CDH12: variants seen among roughly 807,000 people sequenced by gnomAD.
The protein encoded by CDH12 is cadherin 12, also known as cadherin-12.
CDH12 carries 41 observed loss-of-function variants against 74.1 expected under a neutral mutation model. The ratio of observed to expected loss-of-function variants is 0.55; its 90% CI spans 0.43 to 0.72. The LOEUF (loss-of-function observed/expected upper bound fraction) is 0.72. Ranked by LOEUF, CDH12 falls within the 30% of genes least tolerant of loss-of-function variation. The pLI is 0.00. For synonymous variants in CDH12, 399 were observed against 355.0 expected (o/e 1.12, Z -1.39); for missense variants, 945 against 977.2 (o/e 0.97, Z 0.44).
At chr5:21,830,433 A>G (rs1008581331) in intron 8 of CDH12, among the ~76,000 whole-genome samples, 1 of 152,090 alleles carries the variant, frequency 6.6e-6, no homozygotes, top group African/African-American at 2.4e-5. Context: ...TTCTCCCAGA[A>G]GCACAGTATA....
intron 1 of CDH12, among the ~76,000 whole-genome samples, chr5:22,723,261 C>T (rs1743990459): frequency 6.6e-6 from 1 of 152,200 alleles, no homozygotes; most frequent in Non-Finnish European, 1.5e-5. Flanking sequence ...CTTCACACAT[C>T]CCTCATTCAA....
intron 2 of CDH12, among the ~76,000 whole-genome samples, chr5:22,470,783 T>A (rs1187018130): frequency 6.6e-6 from 1 of 151,898 alleles, no homozygotes; most frequent in Non-Finnish European, 1.5e-5. Context: ...AGCTATAATA[T>A]CTATATATTA....
chr5:22,184,145 T>G (rs532779184), intron 4 of CDH12, among the ~76,000 whole-genome samples: 1 of 152,116 alleles, frequency 6.6e-6, no homozygotes, highest in Non-Finnish European at 1.5e-5. Context: ...TTTTGTTACT[T>G]TATTAAATGG....
chr5:22,640,158 T>C (rs993444768), intron 1 of CDH12, among the ~76,000 whole-genome samples: 1 of 152,168 alleles, frequency 6.6e-6, no homozygotes, highest in African/African-American at 2.4e-5. Context: ...ATCCACTCTA[T>C]TAAATTTTGC....
At chr5:22,196,848 C>T (rs1394743869) in intron 4 of CDH12, among the ~76,000 whole-genome samples, 2 of 152,028 alleles carry the variant, frequency 1.3e-5, no homozygotes, top group South Asian at 4.2e-4. Flanking sequence ...TTATTTCATG[C>T]GATAGATCTT....
rs1431952290 is a variant in CDH12, at chr5:22,028,242, T to C, written c.231+50204A>G. The stretch of plus-strand genomic sequence containing the variant: ...CTCTCACCACTCCTATTCAACATAG[T>C]GTTGGAAGTTCTGGCCAGGGCAATT... On this transcript the variant is annotated intron_variant, in intron 5 of 14. Transcript: ENST00000382254. Among the ~76,000 whole-genome samples the C allele has an allele frequency of 4.6e-5, 7 of 152,216 alleles. No individual in the cohort carries two copies. The East Asian group carries it at 7.7e-4, about 17-fold the overall frequency.
chr5:22,076,439 A>G (rs1175774082), intron 5 of CDH12, among the ~76,000 whole-genome samples: 1 of 152,132 alleles, frequency 6.6e-6, no homozygotes, highest in Non-Finnish European at 1.5e-5. Flanking sequence ...AATTCTGGAA[A>G]TTGAGGTCTA....
chr5:21,965,828 A>G (rs996519940), intron 6 of CDH12, among the ~76,000 whole-genome samples: 2 of 152,166 alleles, frequency 1.3e-5, no homozygotes, highest in African/African-American at 4.8e-5. Flanking sequence ...GAGAATGAAG[A>G]TGGAAAATGA....
intron 6 of CDH12, among the ~76,000 whole-genome samples, chr5:21,926,804 T>C (rs1754602127): frequency 6.6e-6 from 1 of 152,164 alleles, no homozygotes; most frequent in Admixed American, 6.5e-5. Context: ...TGCATGCAGG[T>C]AGAACTGTGT....
chr5:22,572,754 C>G (rs1195670527), intron 1 of CDH12, among the ~76,000 whole-genome samples: 1 of 152,114 alleles, frequency 6.6e-6, no homozygotes, highest in East Asian at 1.9e-4. Flanking sequence ...CTTTACCTCA[C>G]TTATTCTGAA....
At chr5:22,069,073 T>C (rs771978105) in intron 5 of CDH12, among the ~76,000 whole-genome samples, 16 of 152,166 alleles carry the variant, frequency 1.1e-4, no homozygotes, top group Non-Finnish European at 2.2e-4. Flanking sequence ...TGGATGCAGA[T>C]TTTCCTTCCA....
chr5:22,428,389 T>C (rs1345778074), intron 2 of CDH12, among the ~76,000 whole-genome samples: 1 of 152,104 alleles, frequency 6.6e-6, no homozygotes, highest in Non-Finnish European at 1.5e-5. Flanking sequence ...ATACACATGA[T>C]AAATGGTTTA....
chr5:22,811,289 C>G (rs1216618069), intron 1 of CDH12, among the ~76,000 whole-genome samples: 1 of 152,100 alleles, frequency 6.6e-6, no homozygotes, highest in Non-Finnish European at 1.5e-5. Context: ...GGTTAATCTT[C>G]TATTCACTAT....
rs1750452310 is a variant in CDH12, at chr5:22,193,948, G to A, written c.-187+18550C>T. 2.0e-5 allele frequency among the ~76,000 whole-genome samples: 3 copies of A among 152,292 alleles called. No homozygotes were observed. In the South Asian group the frequency reaches 6.2e-4, roughly 32 times the overall value. On this transcript the variant is annotated intron_variant, in intron 4 of 14. Coordinates refer to ENST00000382254, the MANE Select transcript of CDH12 (RefSeq NM_004061.5). Reference sequence around the variant, plus strand: ...TCCTATTAAGAATAACTTAGGGACTGCAAGGGAGAAAGGAATGTTTTATTG... The same window carrying A: ...TCCTATTAAGAATAACTTAGGGACTACAAGGGAGAAAGGAATGTTTTATTG...
At chr5:21,850,260 A>C (rs1222651404) in intron 7 of CDH12, among the ~76,000 whole-genome samples, 1 of 151,542 alleles carries the variant, frequency 6.6e-6, no homozygotes, top group East Asian at 1.9e-4. Context: ...ATAATAGTGT[A>C]TTGTACTTTG....
chr5:21,802,480 T>C (rs1229828038), intron 9 of CDH12, 60 bp from the exon 10 acceptor site: 1 of 1,405,980 alleles, frequency 7.1e-7, no homozygotes, highest in East Asian at 2.3e-5. Context: ...GCAGAAATGG[T>C]GAACATTACT....
At chr5:21,842,035 T>C (rs959489581) in intron 8 of CDH12, 126 bp downstream of exon 8, 2 of 725,294 alleles carry the variant, frequency 2.8e-6, no homozygotes, top group Admixed American at 2.7e-5. Flanking sequence ...TAATTTTTAA[T>C]CCATTAGCTT....
chr5:22,315,903 T>C (rs913332940), intron 3 of CDH12, among the ~76,000 whole-genome samples: 8 of 152,168 alleles, frequency 5.3e-5, no homozygotes, highest in African/African-American at 1.2e-4. Flanking sequence ...GTTTCATTTT[T>C]TTTTTAATTC....
Position 21,794,189 on chromosome 5 carries a change from C to T in CDH12, c.1256+7978G>A, listed in dbSNP as rs556516182. Among the ~76,000 whole-genome samples, 22 of 151,648 alleles carry T rather than the reference C, an allele frequency of 1.5e-4. No homozygotes were observed. In the South Asian group the frequency reaches 4.1e-3, roughly 29 times the overall value. ...ATACACCTGGGTGTTCTGGCATGAACTTTATGGGGATTAACCTCTGTTGGC... is the reference window on the plus strand; with the variant it reads ...ATACACCTGGGTGTTCTGGCATGAATTTTATGGGGATTAACCTCTGTTGGC... On this transcript the variant is annotated intron_variant, in intron 10 of 14. Coordinates refer to ENST00000382254, the MANE Select transcript of CDH12 (RefSeq NM_004061.5).
Sources: gnomAD v4.1 joint callset for allele counts (sites outside exome capture counted in the v4.1 genomes callset) on GRCh38, gnomAD v4.1.1 for gene constraint, MANE v1.5 for transcripts, NCBI Gene and HGNC (gene_info 2026-07-23, HGNC 2026-07-21) for gene names.